GRIA1: variants seen among roughly 807,000 people sequenced by gnomAD.
The protein encoded by GRIA1 is glutamate ionotropic receptor AMPA type subunit 1, also known as glutamate receptor 1.
In GRIA1, 31 loss-of-function variants were observed where a neutral mutation model predicts 99.2. That is an observed-to-expected ratio of 0.31 (90% CI 0.23 to 0.42). GRIA1 has a LOEUF of 0.42. GRIA1 is among the 10% of genes least tolerant of loss of function. The pLI is 1.00. For synonymous variants in GRIA1, 438 were observed against 432.4 expected, an observed-to-expected ratio of 1.01 and a Z score of -0.16; for missense variants, 782 against 1,157.5, an observed-to-expected ratio of 0.68 and a Z score of 4.71.
chr5:153,795,612 T>C, intron 14 of GRIA1: 1 of 1,367,094 alleles, frequency 7.3e-7, no homozygotes, highest in Middle Eastern at 1.8e-4. Flanking sequence ...GCTACAGAGG[T>C]CACGCACACC....
At chr5:153,599,360 T>C (rs1001533693) in intron 2 of GRIA1, among the ~76,000 whole-genome samples, 25 of 152,224 alleles carry the variant, frequency 1.6e-4, no homozygotes, top group African/African-American at 6.0e-4. Flanking sequence ...ATACTTATCC[T>C]AAAAGATCAC....
chr5:153,732,693 G>A (rs574521509), intron 11 of GRIA1, among the ~76,000 whole-genome samples: 2 of 151,954 alleles, frequency 1.3e-5, no homozygotes, highest in African/African-American at 4.8e-5. Context: ...CATTTTGATT[G>A]CTTCCTTTGA....
chr5:153,551,715 C>T (rs1167681024), intron 2 of GRIA1, among the ~76,000 whole-genome samples: 1 of 152,178 alleles, frequency 6.6e-6, no homozygotes, highest in African/African-American at 2.4e-5. Flanking sequence ...TACAGCCAAT[C>T]ACTATGCTTT....
At chr5:153,649,427 T>TTTTA (rs561422926) in intron 3 of GRIA1, among the ~76,000 whole-genome samples, 2,733 of 148,020 alleles carry the variant, frequency 0.018, 74 homozygotes, top group African/African-American at 0.059. Flanking sequence ...TCAGGACACA[T>TTTTA]TTTATTTATT....
chr5:153,692,726 A>T (rs1757849437), intron 8 of GRIA1, among the ~76,000 whole-genome samples: 1 of 152,150 alleles, frequency 6.6e-6, no homozygotes, highest in Admixed American at 6.6e-5. Flanking sequence ...AAAAGCAAGG[A>T]CCATATTTGT....
In GRIA1 at chr5:153,527,170, A is replaced by T. The variant is rs140100503; in HGVS notation, c.220+33105A>T. Among the ~76,000 whole-genome samples the T allele has an allele frequency of 1.7e-3, 253 of 152,330 alleles. 2 individuals are homozygous for T. The highest frequency in any genetic ancestry group is 5.6e-3 in the African/African-American group (231 of 41,582). On this transcript the variant is annotated intron_variant, in intron 2 of 15. Coordinates refer to ENST00000285900, the MANE Select transcript of GRIA1 (RefSeq NM_000827.4). ...CTGAACTCCGCAATCTTGAATACTGAAATCGCAAAAATTCAAAATCCCTAA... is the reference window on the plus strand; with the variant it reads ...CTGAACTCCGCAATCTTGAATACTGTAATCGCAAAAATTCAAAATCCCTAA...
At chr5:153,593,073 C>T (rs957171084) in intron 2 of GRIA1, among the ~76,000 whole-genome samples, 3 of 152,122 alleles carry the variant, frequency 2.0e-5, no homozygotes, top group African/African-American at 7.2e-5. Flanking sequence ...GGAGACCAAC[C>T]TGGCCAAGAT....
chr5:153,535,172 T>G (rs1418429695), intron 2 of GRIA1, among the ~76,000 whole-genome samples: 1 of 152,142 alleles, frequency 6.6e-6, no homozygotes, highest in African/African-American at 2.4e-5. Flanking sequence ...TCTGCCCGTC[T>G]CGGCCTCCCA....
chr5:153,667,842 G>A (rs1032126499), intron 5 of GRIA1, among the ~76,000 whole-genome samples: 4 of 152,206 alleles, frequency 2.6e-5, no homozygotes, highest in African/African-American at 7.2e-5. Context: ...TGTAGTTGTA[G>A]TGTTAAACAC....
intron 11 of GRIA1, among the ~76,000 whole-genome samples, chr5:153,711,111 G>A (rs1490176263): frequency 6.6e-6 from 1 of 152,192 alleles, no homozygotes; most frequent in East Asian, 1.9e-4. Flanking sequence ...TAAGATTGGA[G>A]GAAGAAGCAG....
At chr5:153,672,024 G>A (rs2149482540) in intron 5 of GRIA1, among the ~76,000 whole-genome samples, 1 of 152,292 alleles carries the variant, frequency 6.6e-6, no homozygotes, top group East Asian at 1.9e-4. Context: ...TCAAGTACAA[G>A]GGGCTTCTTG....
At chr5:153,774,492 G>A (rs1191218046) in intron 13 of GRIA1, among the ~76,000 whole-genome samples, 1 of 152,162 alleles carries the variant, frequency 6.6e-6, no homozygotes, top group Non-Finnish European at 1.5e-5. Context: ...TTTGTTCCAG[G>A]TATTATTATA....
chr5:153,795,153 C>A (rs944456053), intron 14 of GRIA1, among the ~76,000 whole-genome samples: 2 of 152,132 alleles, frequency 1.3e-5, no homozygotes, highest in African/African-American at 4.8e-5. Flanking sequence ...GGTGAGCAGC[C>A]AGAGAGCCTG....
chr5:153,696,132 T>C (rs1758079903), intron 8 of GRIA1, among the ~76,000 whole-genome samples: 2 of 152,172 alleles, frequency 1.3e-5, no homozygotes, highest in South Asian at 2.1e-4. Flanking sequence ...CTGGCTCATA[T>C]CCTGGCTCCA....
chr5:153,597,537 T>C (rs1764534281), intron 2 of GRIA1, among the ~76,000 whole-genome samples: 1 of 152,188 alleles, frequency 6.6e-6, no homozygotes, highest in African/African-American at 2.4e-5. Flanking sequence ...AAAGAAGCAA[T>C]GAGTTCTTGC....
intron 2 of GRIA1, 84 bp from the exon 3 acceptor site, chr5:153,646,844 A>G: frequency 6.9e-7 from 1 of 1,440,784 alleles, no homozygotes; most frequent in South Asian, 1.3e-5. Flanking sequence ...GGTTGGATGG[A>G]TGAACTAGTG....
chr5:153,592,553 C>T (rs960119887), intron 2 of GRIA1, among the ~76,000 whole-genome samples: 4 of 152,280 alleles, frequency 2.6e-5, no homozygotes, highest in Admixed American at 2.0e-4. Flanking sequence ...GCATGTATAA[C>T]TTACAAAATC....
rs372029666 is a variant in GRIA1, at chr5:153,794,750, GA to G, written c.2385+26del. 7,658 of 1,193,872 alleles carry G rather than the reference GA, an allele frequency of 6.4e-3. No individual in the cohort carries two copies. The highest frequency in any genetic ancestry group is 7.1e-3 in the Admixed American group (292 of 41,384). The allele number at this position is 1,193,872 out of a possible 1,614,324, so 74.0% of individuals were successfully genotyped here. The stretch of plus-strand genomic sequence containing the variant: ...GTGATTCCAAGGTCAGCCCCAGTAA[GA>G]AAAAAAAAAACCTAGTGGGTATGAA... On this transcript the variant is annotated intron_variant, in intron 14 of 15. Transcript: ENST00000285900.
chr5:153,594,609 AT>A (rs1764269179), intron 2 of GRIA1, among the ~76,000 whole-genome samples: 1 of 151,632 alleles, frequency 6.6e-6, no homozygotes, highest in Admixed American at 6.6e-5. Context: ...TTGCTTGTTA[AT>A]TTTAATTTCT....
Sources: allele counts gnomAD v4.1 joint callset (sites outside exome capture counted in the v4.1 genomes callset), GRCh38; gene constraint gnomAD v4.1.1; transcripts MANE v1.5; gene names NCBI Gene and HGNC (gene_info 2026-07-23, HGNC 2026-07-21).